CASP1: variants seen among roughly 807,000 people sequenced by gnomAD.
The protein encoded by CASP1 is caspase-1.
In CASP1, 31 loss-of-function variants were observed where a neutral mutation model predicts 41.2. The ratio of observed to expected loss-of-function variants is 0.75; its 90% CI spans 0.57 to 1.02. The LOEUF (loss-of-function observed/expected upper bound fraction) is 1.02. Ranked by LOEUF, CASP1 falls within the 50% of genes least tolerant of loss-of-function variation. CASP1 has a pLI of 0.00. For synonymous variants in CASP1, 163 were observed against 166.5 expected (o/e 0.98, Z 0.16); for missense variants, 490 against 495.7 (o/e 0.99, Z 0.11).
rs138753150 is a variant in CASP1, at chr11:105,028,426, A to G, written c.1006+698T>C. 2.6e-4 allele frequency among the ~76,000 whole-genome samples: 39 copies of G among 152,280 alleles called. 1 individual carries two copies. Among genetic ancestry groups the G allele is most frequent in the African/African-American group, 9.4e-4 (39 of 41,578 alleles). On this transcript the variant is annotated intron_variant, in intron 7 of 8. Coordinates refer to ENST00000533400, the MANE Select transcript of CASP1 (RefSeq NM_001257118.3). ...GTAACTGAATTAAGTTATCAAATAT[A>G]TACATTTTAAATAATAGCAGTTTTT...
chr11:105,027,410 C>T (rs1195983010), intron 7 of CASP1, among the ~76,000 whole-genome samples: 1 of 151,808 alleles, frequency 6.6e-6, no homozygotes, highest in Non-Finnish European at 1.5e-5. Flanking sequence ...CTATAAAAAT[C>T]ATAAAACAGA....
At chr11:105,035,846 G>C (rs549991749), upstream of CASP1, among the ~76,000 whole-genome samples, 4 of 151,886 alleles carry the variant, frequency 2.6e-5, no homozygotes, top group African/African-American at 7.2e-5. Context: ...CAGCTCCCAG[G>C]CTCAAGCAAT....
Position 105,033,082 on chromosome 11 carries a change from C to A in CASP1, c.319G>T (p.Val107Leu). 1 of 1,587,232 alleles carries A rather than the reference C, an allele frequency of 6.3e-7. No individual in the cohort carries two copies. Among genetic ancestry groups the A allele is most frequent in the Non-Finnish European group, 8.6e-7 (1 of 1,157,252 alleles). The change falls in exon 3 of 9, where the codon GTA (valine) becomes TTA (leucine). Residue 107 changes from valine (V) to leucine (L), a missense_variant. Val to Leu is a conservative substitution (Grantham distance 32). Coordinates refer to ENST00000533400, the MANE Select transcript of CASP1 (RefSeq NM_001257118.3). ...GCATTACCTGGAAAGGAAGAAAGTA[C>A]TCCTTGAGAGTCTTGCATATTAAGG... The part of the protein sequence containing the change: ...NYLNMQDSQG[V>L]LSSFPAPQAV...
chr11:105,029,160 C>G lies in CASP1; in HGVS notation c.970G>C (p.Glu324Gln), dbSNP rs1863509820. Reference sequence around the variant, plus strand: ...GAGCAGAAAGCGATAAAATCCTTCTCTATGTGGGCTTTCTTAATAGCATCA... The same window carrying G: ...GAGCAGAAAGCGATAAAATCCTTCTGTATGTGGGCTTTCTTAATAGCATCA... Reference protein sequence around the residue: ...EDDAIKKAHIEKDFIAFCSST... With the variant: ...EDDAIKKAHIQKDFIAFCSST... Residue 324 changes from glutamate to glutamine, a missense_variant, in exon 7 of 9, where the codon GAG becomes CAG. By Grantham distance (29) the Glu-to-Gln change is conservative. Coordinates refer to ENST00000533400, the MANE Select transcript of CASP1 (RefSeq NM_001257118.3). 1.2e-6 allele frequency: 2 copies of G among 1,613,278 alleles called. No homozygotes were observed. Among genetic ancestry groups the G allele is most frequent in the South Asian group, 2.2e-5 (2 of 91,052 alleles).
chr11:105,028,969 A>G (rs547690506), intron 7 of CASP1, among the ~76,000 whole-genome samples, 155 bp downstream of exon 7: 1 of 152,188 alleles, frequency 6.6e-6, no homozygotes, highest in Admixed American at 6.6e-5. Context: ...TTGAACAGAT[A>G]TGCAAAATTG....
Position 105,025,621 on chromosome 11 carries a change from T to TAA in CASP1, c.*635_*636dup, listed in dbSNP as rs60332715. 214 of 340,762 alleles carry TAA rather than the reference T, an allele frequency of 6.3e-4. No individual in the cohort carries two copies. The highest frequency in any genetic ancestry group is 1.2e-3 in the South Asian group (54 of 43,540). 21.1% of individuals were successfully genotyped at this position (340,762 alleles called of 1,614,324 possible). A position where few individuals can be genotyped will look rare whatever the true frequency, so the allele number is the denominator to read the frequency against. On this transcript the variant is annotated 3_prime_UTR_variant, in exon 9 of 9. Coordinates refer to ENST00000533400, the MANE Select transcript of CASP1 (RefSeq NM_001257118.3). ...ACTTCCTATGAGAAAAAGAAATAAT[T>TAA]AAAAAAAAAAACATAGGAAAGAATT...
In CASP1 at chr11:105,025,915, T is replaced by C. The variant is rs924506542; in HGVS notation, c.*343A>G. 1.0e-4 allele frequency: 23 copies of C among 227,728 alleles called. No individual in the cohort carries two copies. The highest frequency in any genetic ancestry group is 5.1e-4 in the African/African-American group (22 of 43,364). 14.1% of individuals were successfully genotyped at this position (227,728 alleles called of 1,614,324 possible). A position where few individuals can be genotyped will look rare whatever the true frequency, so the allele number is the denominator to read the frequency against. Reference sequence around the variant, plus strand: ...TACTTCAGTATTTTCTGTATATGGCTTGATTATCCCTTATCCAAAATGCAT... The same window carrying C: ...TACTTCAGTATTTTCTGTATATGGCCTGATTATCCCTTATCCAAAATGCAT... On this transcript the variant is annotated 3_prime_UTR_variant, in exon 9 of 9. Transcript: ENST00000533400.
intron 2 of CASP1, 82 bp downstream of exon 2, chr11:105,034,126 T>G: frequency 3.7e-6 from 6 of 1,609,790 alleles, no homozygotes; most frequent in Non-Finnish European, 5.1e-6. Context: ...TTTCTTCCAA[T>G]TAACATGACT....
At chr11:105,028,022 T>C (rs1175135115) in intron 7 of CASP1, among the ~76,000 whole-genome samples, 1 of 152,086 alleles carries the variant, frequency 6.6e-6, no homozygotes, top group Non-Finnish European at 1.5e-5. Context: ...TACAAAGAGC[T>C]ACTTAGAGAG....
Position 105,031,241 on chromosome 11 carries a change from G to A in CASP1, c.377C>T (p.Ser126Phe), listed in dbSNP as rs773356480. 2 of 1,612,590 alleles carry A rather than the reference G, an allele frequency of 1.2e-6. No individual in the cohort carries two copies. The highest frequency in any genetic ancestry group is 1.3e-5 in the African/African-American group (1 of 74,852). The change falls in exon 4 of 9, where the codon TCC (serine) becomes TTC (phenylalanine). Residue 126 changes from serine to phenylalanine, a missense_variant. Ser to Phe is a radical substitution (Grantham distance 155). Coordinates refer to ENST00000533400, the MANE Select transcript of CASP1 (RefSeq NM_001257118.3). ...AVQDNPAMPT[S>F]SGSEGNVKLC... The stretch of plus-strand genomic sequence containing the variant: ...CTTGACATTCCCTTCTGAGCCTGAG[G>A]ATGTGGGCATAGCTGGGTTGTCCTG...
chr11:105,031,926 C>T (rs1161698675), intron 3 of CASP1, among the ~76,000 whole-genome samples: 1 of 151,984 alleles, frequency 6.6e-6, no homozygotes. Flanking sequence ...ACATTCATTG[C>T]ACAGACACTT....
rs768692958 is a variant in CASP1, at chr11:105,026,924, A to G, written c.1034T>C (p.Met345Thr). 6.2e-7 allele frequency: 1 copy of G among 1,601,404 alleles called. No homozygotes were observed. Among genetic ancestry groups the G allele is most frequent in the Non-Finnish European group, 8.6e-7 (1 of 1,168,604 alleles). ...GAGTCTTCCAATAAAAACAGAGCCCATTGTGGGATGTCTCCAAGAAACATT... is the reference window on the plus strand; with the variant it reads ...GAGTCTTCCAATAAAAACAGAGCCCGTTGTGGGATGTCTCCAAGAAACATT... ...PDNVSWRHPT[M>T]GSVFIGRLIE... The change falls in exon 8 of 9, where the codon ATG becomes ACG. Residue 345 changes from methionine to threonine, a missense_variant. Physicochemically the swap from Met to Thr is moderately conservative, Grantham distance 81. Coordinates refer to ENST00000533400, the MANE Select transcript of CASP1 (RefSeq NM_001257118.3).
At chr11:105,034,107 T>C (rs748757644) in intron 2 of CASP1, 101 bp downstream of exon 2, 2 of 1,598,142 alleles carry the variant, frequency 1.3e-6, no homozygotes, top group Non-Finnish European at 1.7e-6. Context: ...AAGCCAGAAA[T>C]AAGAAAGTTT....
Position 105,034,316 on chromosome 11 carries a change from C to T in CASP1, c.166G>A (p.Ala56Thr), listed in dbSNP as rs768484047. 8.7e-6 allele frequency: 14 copies of T among 1,614,132 alleles called. No homozygotes were observed. Among genetic ancestry groups the T allele is most frequent in the Non-Finnish European group, 1.2e-5 (14 of 1,180,000 alleles). Residue 56 changes from alanine (A) to threonine (T), a missense_variant, in exon 2 of 9, where the codon GCT becomes ACT. Coordinates refer to ENST00000533400, the MANE Select transcript of CASP1 (RefSeq NM_001257118.3). ...TTCGGAATAACGGAGTCAATCAAAG[C>T]TCGGGTCTTATCCATAACTGTAGCA... The part of the protein sequence containing the change: ...ENATVMDKTR[A>T]LIDSVIPKGA...
Position 105,029,043 on chromosome 11 carries a change from T to A in CASP1, c.1006+81A>T. 5.2e-6 allele frequency: 7 copies of A among 1,337,668 alleles called. No individual in the cohort carries two copies. In the South Asian group the frequency reaches 9.8e-5, roughly 19 times the overall value. The allele number at this position is 1,337,668 out of a possible 1,614,324, so 82.9% of individuals were successfully genotyped here. ...CAAAGCTTGAGTTGGTCTTGAGTTGTTAATCACCACCTCTAGTGGGTTATT... is the reference window on the plus strand; with the variant it reads ...CAAAGCTTGAGTTGGTCTTGAGTTGATAATCACCACCTCTAGTGGGTTATT... On this transcript the variant is annotated intron_variant, in intron 7 of 8. Transcript: ENST00000533400.
chr11:105,030,618 AC>A, intron 4 of CASP1, 115 bp from the exon 5 acceptor site: 1 of 813,802 alleles, frequency 1.2e-6, no homozygotes, highest in South Asian at 1.7e-5. Flanking sequence ...AACCCCATGA[AC>A]CATACATTGA....
chr11:105,026,766 T>G, intron 8 of CASP1, 76 bp downstream of exon 8: 1 of 810,912 alleles, frequency 1.2e-6, no homozygotes, highest in South Asian at 1.4e-5. Flanking sequence ...TGTCTGGATC[T>G]GCTTTCTATG....
chr11:105,034,302 G>A lies in CASP1; in HGVS notation c.180C>T (p.Ser60=), dbSNP rs1404992609. ...VMDKTRALID[S]VIPKGAQACQ... ...ATGCCTGTGCCCCTTTCGGAATAAC[G>A]GAGTCAATCAAAGCTCGGGTCTTAT... The change falls in exon 2 of 9, where the codon TCC becomes TCT. Residue 60 remains serine (S), a synonymous_variant. Coordinates refer to ENST00000533400, the MANE Select transcript of CASP1 (RefSeq NM_001257118.3). The A allele has an allele frequency of 8.1e-6, 13 of 1,613,974 alleles. No individual in the cohort carries two copies. Among genetic ancestry groups the A allele is most frequent in the African/African-American group, 2.7e-5 (2 of 74,904 alleles).
upstream of CASP1, among the ~76,000 whole-genome samples, chr11:105,036,507 G>A (rs1176895264): frequency 2.6e-5 from 4 of 152,162 alleles, no homozygotes; most frequent in Non-Finnish European, 5.9e-5. Flanking sequence ...AATCATGGGT[G>A]CTGTTTTTTT....
Sources: allele counts gnomAD v4.1 joint callset (sites outside exome capture counted in the v4.1 genomes callset), GRCh38; gene constraint gnomAD v4.1.1; transcripts MANE v1.5; gene names NCBI Gene and HGNC (gene_info 2026-07-23, HGNC 2026-07-21).